Variants in KIF3C observed in about 807,000 individuals in gnomAD.
The protein encoded by KIF3C is kinesin family member 3C.
A neutral mutation model predicts 67.7 loss-of-function variants in KIF3C; 12 were observed. That is an observed-to-expected ratio of 0.18 (90% CI 0.11 to 0.29). The LOEUF is 0.29. Ranked by LOEUF, KIF3C falls within the 10% of genes least tolerant of loss-of-function variation. The pLI is 1.00. For missense variants in KIF3C, 789 were observed against 1,059.6 expected, an observed-to-expected ratio of 0.74 and a Z score of 3.55; for synonymous variants, 393 against 426.2, an observed-to-expected ratio of 0.92 and a Z score of 0.96.
At chr2:25,978,425 C>T (rs1664473020) in intron 1 of KIF3C, among the ~76,000 whole-genome samples, 1 of 152,150 alleles carries the variant, frequency 6.6e-6, no homozygotes, top group Non-Finnish European at 1.5e-5. Context: ...AGGCTGGGCT[C>T]TTCCATATAT....
At chr2:25,968,256 A>C (rs765773754) in intron 1 of KIF3C, among the ~76,000 whole-genome samples, 26 of 152,202 alleles carry the variant, frequency 1.7e-4, no homozygotes, top group Non-Finnish European at 3.5e-4. Flanking sequence ...GATGGCTCAA[A>C]ACACAACAAA....
At chr2:25,931,398 T>C (rs1400117394) in intron 5 of KIF3C, among the ~76,000 whole-genome samples, 1 of 151,928 alleles carries the variant, frequency 6.6e-6, no homozygotes, top group Non-Finnish European at 1.5e-5. Flanking sequence ...GCGGAGGTTG[T>C]GGTGAGCCAA....
chr2:25,949,625 C>G (rs1663544553), intron 5 of KIF3C, among the ~76,000 whole-genome samples: 1 of 152,064 alleles, frequency 6.6e-6, no homozygotes, highest in South Asian at 2.1e-4. Flanking sequence ...ATTGGTGGCA[C>G]TACTACATCC....
chr2:25,963,377 T>C (rs1225472535), intron 1 of KIF3C, among the ~76,000 whole-genome samples: 2 of 148,034 alleles, frequency 1.4e-5, no homozygotes, highest in Non-Finnish European at 3.0e-5. Flanking sequence ...TGGCTAATTT[T>C]TGTATTTTAT....
chr2:25,930,230 G>A (rs2090448037), intron 5 of KIF3C, among the ~76,000 whole-genome samples, 167 bp from the exon 6 acceptor site: 1 of 152,220 alleles, frequency 6.6e-6, no homozygotes, highest in Admixed American at 6.5e-5. Flanking sequence ...AGCTAGTGCA[G>A]TTGTCCCCCT....
Position 25,928,953 on chromosome 2 carries a change from G to A in KIF3C, c.*25C>T, listed in dbSNP as rs187388828. On this transcript the variant is annotated 3_prime_UTR_variant, in exon 8 of 8. Coordinates refer to ENST00000264712, the MANE Select transcript of KIF3C (RefSeq NM_002254.8). ...GCTGCCCCATCCCAGGAGTCTATTG[G>A]ATGGGCAGCCTGACGTGATGGTTGT... is the stretch of plus-strand genomic sequence containing the variant. The A allele has an allele frequency of 6.2e-7, 1 of 1,602,274 alleles. No homozygotes were observed. Among genetic ancestry groups the A allele is most frequent in the East Asian group, 2.2e-5 (1 of 44,832 alleles).
At chr2:25,964,932 C>T (rs79554373) in intron 1 of KIF3C, among the ~76,000 whole-genome samples, 133 of 152,336 alleles carry the variant, frequency 8.7e-4, no homozygotes, top group African/African-American at 3.1e-3. Context: ...GGGCTGGTTT[C>T]TGCTCATCTG....
intron 4 of KIF3C, 71 bp from the exon 5 acceptor site, chr2:25,951,976 A>T (rs1182209143): frequency 5.7e-6 from 6 of 1,048,892 alleles, no homozygotes; most frequent in African/African-American, 3.1e-5. Flanking sequence ...GTGAGGGTTG[A>T]AGGATTAGAA....
chr2:25,971,871 C>CTTTTTTTTTTTTTTTTT (rs70950146), intron 1 of KIF3C, among the ~76,000 whole-genome samples: 2 of 53,804 alleles, frequency 3.7e-5, no homozygotes, highest in Non-Finnish European at 7.4e-5. Context: ...CCATGCCTAG[C>CTTTTTTTTTTTTTTTTT]TTTTTTTTTT....
chr2:25,980,658 C>T lies in KIF3C; in HGVS notation c.1260G>A (p.Gly420=), dbSNP rs1664545765. The T allele has an allele frequency of 6.2e-7, 1 of 1,614,024 alleles. No homozygotes were observed. The highest frequency in any genetic ancestry group is 8.5e-7 in the Non-Finnish European group (1 of 1,180,026). The part of the protein sequence containing the change: ...RRKKAVSAPP[G]YPEGPVIEAW... ...CCTCAATCACTGGGCCCTCAGGGTA[C>T]CCAGGCGGGGCGGACACGGCCTTCT... The change falls in exon 1 of 8, where the codon GGG becomes GGA. Residue 420 remains glycine (G), a synonymous_variant. Coordinates refer to ENST00000264712, the MANE Select transcript of KIF3C (RefSeq NM_002254.8). The surrounding 1 kb of genome is among the most constrained non-coding windows in gnomAD (Gnocchi z 7.6).
At chr2:25,971,434 A>C (rs1241894285) in intron 1 of KIF3C, among the ~76,000 whole-genome samples, 3 of 151,432 alleles carry the variant, frequency 2.0e-5, no homozygotes, top group Non-Finnish European at 2.9e-5. Flanking sequence ...GACAGACTAC[A>C]TCTCAAAAAA....
chr2:25,942,790 A>G (rs1663327234), intron 5 of KIF3C, among the ~76,000 whole-genome samples: 1 of 152,206 alleles, frequency 6.6e-6, no homozygotes, highest in African/African-American at 2.4e-5. Context: ...ATTTTATATC[A>G]AATAATGGCT....
chr2:25,956,661 G>A (rs1299855753), intron 1 of KIF3C, among the ~76,000 whole-genome samples: 1 of 152,180 alleles, frequency 6.6e-6, no homozygotes, highest in Non-Finnish European at 1.5e-5. Flanking sequence ...CACTAGGGAG[G>A]CACAGAGGGT....
At position 25,982,478 on chromosome 2, in the gene KIF3C, G is replaced by A. The variant is rs1465108640; in HGVS notation, c.-561C>T. On this transcript the variant is annotated 5_prime_UTR_variant, in exon 1 of 8. Transcript: ENST00000264712. Reference sequence around the variant, plus strand: ...CTCCGCCTTCCCCGCCGCCGCCACTGGAGAATGAGAGAGAAAAACAGAAGG... The same window carrying A: ...CTCCGCCTTCCCCGCCGCCGCCACTAGAGAATGAGAGAGAAAAACAGAAGG... 2.5e-5 allele frequency: 10 copies of A among 398,486 alleles called. No individual in the cohort carries two copies. The highest frequency in any genetic ancestry group is 4.4e-5 in the Admixed American group (1 of 22,718). 24.7% of individuals were successfully genotyped at this position (398,486 alleles called of 1,614,324 possible).
rs768248466 is a variant in KIF3C at position 25,981,959 on chromosome 2, C to G, written c.-42G>C. ...TCCTGCCCCCGAGCCCCTCCGCAGC[C>G]TGGGCGGTCCTGCTATCCTGCTCGC... On this transcript the variant is annotated 5_prime_UTR_variant, in exon 1 of 8. Transcript: ENST00000264712. This position sits in a 1 kb window ranked among gnomAD's most constrained non-coding sequence, Gnocchi z 8.2. 1 of 1,470,540 alleles carries G rather than the reference C, an allele frequency of 6.8e-7. No individual in the cohort carries two copies. Among genetic ancestry groups the G allele is most frequent in the Admixed American group, 2.2e-5 (1 of 45,010 alleles). The allele number at this position is 1,470,540 out of a possible 1,614,324, so 91.1% of individuals were successfully genotyped here.
At chr2:25,962,801 TAA>T (rs1491228127) in intron 1 of KIF3C, among the ~76,000 whole-genome samples, 1 of 91,702 alleles carries the variant, frequency 1.1e-5, no homozygotes, top group Non-Finnish European at 2.0e-5. Context: ...ATATATTATA[TAA>T]TATATAATAT....
intron 5 of KIF3C, among the ~76,000 whole-genome samples, chr2:25,949,879 G>A (rs941609083): frequency 6.6e-6 from 1 of 150,750 alleles, no homozygotes; most frequent in Non-Finnish European, 1.5e-5. Flanking sequence ...GCTGAGGCTC[G>A]AGAATCGTTT....
chr2:25,930,253 C>T (rs1339331184), intron 5 of KIF3C, among the ~76,000 whole-genome samples, 190 bp from the exon 6 acceptor site: 5 of 152,204 alleles, frequency 3.3e-5, no homozygotes, highest in African/African-American at 9.7e-5. Context: ...TCCGTGGTTT[C>T]GCTTTCCACA....
intron 1 of KIF3C, among the ~76,000 whole-genome samples, chr2:25,962,992 TATATA>T (rs1664027250): frequency 4.7e-5 from 2 of 42,966 alleles, no homozygotes; most frequent in Non-Finnish European, 6.9e-5. Flanking sequence ...ATATATAATA[TATATA>T]ATATATAATA....
Sources: allele counts gnomAD v4.1 joint callset (sites outside exome capture counted in the v4.1 genomes callset), GRCh38; gene constraint gnomAD v4.1.1; non-coding constraint Gnocchi (gnomAD v3.1); transcripts MANE v1.5; gene names NCBI Gene and HGNC (gene_info 2026-07-23, HGNC 2026-07-21).